The following PTDSS1 variants were observed in gnomAD, a reference collection of about 807,000 sequenced individuals.
The protein encoded by PTDSS1 is PSS-1.
PTDSS1 carries 45 observed loss-of-function variants against 70.5 expected under a neutral mutation model. The ratio of observed to expected loss-of-function variants is 0.64; its 90% CI spans 0.50 to 0.82. The LOEUF (loss-of-function observed/expected upper bound fraction) is 0.82, where lower values mean the gene tolerates loss of function less well. PTDSS1 is among the 40% of genes least tolerant of loss of function. The probability of loss-of-function intolerance (pLI) is 0.00; values close to 1 mark genes in which losing one functional copy is unlikely to be tolerated. For missense variants in PTDSS1, 417 were observed against 586.1 expected, an observed-to-expected ratio of 0.71 and a Z score of 2.98; for synonymous variants, 188 against 203.8, an observed-to-expected ratio of 0.92 and a Z score of 0.66.
chr8:96,330,990 C>G lies in PTDSS1; in HGVS notation c.1243-36C>G, dbSNP rs371555008. ...CCCTGCCACTTCTCCCAGGGAGTTC[C>G]TAAAATTCCTGCACTAAGCCTGTCT... On this transcript the variant is annotated intron_variant, in intron 11 of 12. Coordinates refer to ENST00000517309, the MANE Select transcript of PTDSS1 (RefSeq NM_014754.3). 5.7e-6 allele frequency: 9 copies of G among 1,573,756 alleles called. No homozygotes were observed. The African/African-American group carries it at 1.2e-4, about 21-fold the overall frequency.
intron 6 of PTDSS1, among the ~76,000 whole-genome samples, chr8:96,300,805 T>C (rs372517393): frequency 3.9e-5 from 6 of 152,204 alleles, no homozygotes; most frequent in East Asian, 3.8e-4. Context: ...TGTTTCAAAG[T>C]TTTTGCTTTC....
Position 96,331,012 on chromosome 8 carries a change from GTC to G in PTDSS1, c.1243-7_1243-6del. The G allele has an allele frequency of 1.2e-6, 2 of 1,609,028 alleles. No homozygotes were observed. Among genetic ancestry groups the G allele is most frequent in the Non-Finnish European group, 1.7e-6 (2 of 1,175,542 alleles). On this transcript the variant is annotated splice_polypyrimidine_tract_variant and intron_variant, in intron 11 of 12. Coordinates refer to ENST00000517309, the MANE Select transcript of PTDSS1 (RefSeq NM_014754.3). ...TTCCTAAAATTCCTGCACTAAGCCTGTCTCTCTCCCTAGACCTACTCGGAGTG... is the reference window on the plus strand; with the variant it reads ...TTCCTAAAATTCCTGCACTAAGCCTGTCTCTCCCTAGACCTACTCGGAGTG...
At chr8:96,330,512 TA>T in intron 11 of PTDSS1, 1 of 522,832 alleles carries the variant, frequency 1.9e-6, no homozygotes, top group East Asian at 3.2e-5. Context: ...TTTTGTTAGA[TA>T]AAAAAAGTTA....
At chr8:96,291,317 T>C (rs1013112936) in intron 4 of PTDSS1, among the ~76,000 whole-genome samples, 5 of 152,154 alleles carry the variant, frequency 3.3e-5, no homozygotes, top group Non-Finnish European at 1.5e-5. Flanking sequence ...GTAGAGAGAA[T>C]CTATAACTTC....
intron 8 of PTDSS1, among the ~76,000 whole-genome samples, chr8:96,307,532 A>T (rs1192406314): frequency 6.7e-6 from 1 of 149,424 alleles, no homozygotes; most frequent in Non-Finnish European, 1.5e-5. Context: ...AGTCCTGAGG[A>T]GTTAAGCCTA....
In PTDSS1 at chr8:96,333,492, A is replaced by G; in HGVS notation, c.1348A>G (p.Asn450Asp). 1 of 1,614,102 alleles carries G rather than the reference A, an allele frequency of 6.2e-7. No individual in the cohort carries two copies. Among genetic ancestry groups the G allele is most frequent in the Non-Finnish European group, 8.5e-7 (1 of 1,179,970 alleles). ...EDSPPKHAGN[N>D]ESHSSRRRNR... ...CAGCCCACCCAAGCATGCAGGCAAC[A>G]ACGAAAGCCATTCTTCCAGGAGAAG... The change falls in exon 13 of 13, where the codon AAC becomes GAC. Residue 450 changes from asparagine (N) to aspartate (D), a missense_variant. This residue lies in a region of PTDSS1 where 107 missense variants were observed against 122.3 expected (regional missense o/e 0.88). Coordinates refer to ENST00000517309, the MANE Select transcript of PTDSS1 (RefSeq NM_014754.3).
At chr8:96,313,725 C>A (rs528702980) in intron 9 of PTDSS1, among the ~76,000 whole-genome samples, 17 of 152,212 alleles carry the variant, frequency 1.1e-4, no homozygotes, top group Non-Finnish European at 1.9e-4. Context: ...CCTCACCCGA[C>A]CAGTTTCCTC....
intron 4 of PTDSS1, among the ~76,000 whole-genome samples, chr8:96,291,375 G>A (rs1810900667): frequency 6.6e-6 from 1 of 150,778 alleles, no homozygotes; most frequent in Non-Finnish European, 1.5e-5. Context: ...GCCCAAACTT[G>A]TTCCACCTTT....
intron 9 of PTDSS1, among the ~76,000 whole-genome samples, chr8:96,317,071 G>T (rs35973436): frequency 6.7e-6 from 1 of 148,524 alleles, no homozygotes; most frequent in Admixed American, 6.7e-5. Flanking sequence ...GTGTGTGTGT[G>T]TATATATATA....
chr8:96,283,906 G>A lies in PTDSS1; in HGVS notation c.272-203G>A, dbSNP rs563554120. The A allele has an allele frequency of 3.3e-4, 174 of 521,742 alleles. 2 individuals are homozygous for A. In the South Asian group the frequency reaches 4.5e-3, roughly 13 times the overall value. 32.3% of individuals were successfully genotyped at this position (521,742 alleles called of 1,614,324 possible). ...TGTTGTGGAGAGTGGTGCCTGTGAT[G>A]ATTGTGGTGACAGTCGTTATAATGT... On this transcript the variant is annotated intron_variant, in intron 2 of 12. Transcript: ENST00000517309.
rs1233795329 is a variant in PTDSS1 at position 96,335,189 on chromosome 8, A to C, written c.*1623A>C. ...CCAGCATCTGCCTGCTTCCCACAAA[A>C]GGATAGAAGAGAGGCAAAGTGCGTG... is the stretch of plus-strand genomic sequence containing the variant. On this transcript the variant is annotated 3_prime_UTR_variant, in exon 13 of 13. Transcript: ENST00000517309. 1 of 152,256 alleles carries C rather than the reference A, an allele frequency of 6.6e-6. No individual in the cohort carries two copies. Among genetic ancestry groups the C allele is most frequent in the Non-Finnish European group, 1.5e-5 (1 of 68,056 alleles). 9.4% of individuals were successfully genotyped at this position (152,256 alleles called of 1,614,324 possible). A position where few individuals can be genotyped will look rare whatever the true frequency, so the allele number is the denominator to read the frequency against.
At chr8:96,286,793 G>A (rs1810828672) in intron 3 of PTDSS1, among the ~76,000 whole-genome samples, 1 of 152,168 alleles carries the variant, frequency 6.6e-6, no homozygotes, top group Non-Finnish European at 1.5e-5. Context: ...CTCAGTCTAA[G>A]TTAGCATCAG....
chr8:96,291,046 A>C (rs1055194111), intron 4 of PTDSS1, among the ~76,000 whole-genome samples: 6 of 151,868 alleles, frequency 4.0e-5, no homozygotes, highest in Non-Finnish European at 7.4e-5. Context: ...TCTATTCAAA[A>C]ATATGTCTTT....
At chr8:96,326,818 T>C (rs1811445041) in intron 10 of PTDSS1, among the ~76,000 whole-genome samples, 1 of 152,186 alleles carries the variant, frequency 6.6e-6, no homozygotes, top group Non-Finnish European at 1.5e-5. Flanking sequence ...TCAGAGGTGC[T>C]GCCAGGCCTA....
chr8:96,281,103 A>G (rs368192113), intron 2 of PTDSS1, among the ~76,000 whole-genome samples: 6 of 152,184 alleles, frequency 3.9e-5, no homozygotes, highest in Admixed American at 3.9e-4. Flanking sequence ...ACTTGACTGG[A>G]GTAGCCAGGT....
At chr8:96,267,933 T>C (rs570789802) in intron 1 of PTDSS1, among the ~76,000 whole-genome samples, 2 of 152,236 alleles carry the variant, frequency 1.3e-5, no homozygotes, top group Non-Finnish European at 2.9e-5. Context: ...ACAATCCATT[T>C]GGATGGTTCC....
intron 7 of PTDSS1, 152 bp downstream of exon 7, chr8:96,304,333 CAA>C: frequency 1.0e-6 from 1 of 956,216 alleles, no homozygotes; most frequent in Non-Finnish European, 1.5e-6. Flanking sequence ...AATAATTAAG[CAA>C]AGTGATGTTG....
intron 4 of PTDSS1, among the ~76,000 whole-genome samples, chr8:96,292,289 C>CAAAAAAAAAAAAAAAAAA (rs34282078): frequency 1.1e-5 from 1 of 87,844 alleles, no homozygotes; most frequent in Non-Finnish European, 2.5e-5. Flanking sequence ...AACGCTGTCT[C>CAAAAAAAAAAAAAAAAAA]AAAAAAAAAA....
At chr8:96,306,879 GT>G (rs1024720352) in intron 8 of PTDSS1, among the ~76,000 whole-genome samples, 36 of 152,154 alleles carry the variant, frequency 2.4e-4, no homozygotes, top group Non-Finnish European at 3.5e-4. Flanking sequence ...GTGATGCTGA[GT>G]TTTTTAAAAA....
Sources: allele counts gnomAD v4.1 joint callset (sites outside exome capture counted in the v4.1 genomes callset), GRCh38; gene constraint gnomAD v4.1.1; regional missense constraint gnomAD v4.1.1; transcripts MANE v1.5; gene names NCBI Gene and HGNC (gene_info 2026-07-23, HGNC 2026-07-21).